Variants in TGM7 observed in about 807,000 individuals in gnomAD.
TGM7 encodes the protein protein-glutamine gamma-glutamyltransferase Z.
A neutral mutation model predicts 79.5 loss-of-function variants in TGM7; 74 were observed. That is an observed-to-expected ratio of 0.93 (90% CI 0.77 to 1.13). The LOEUF (loss-of-function observed/expected upper bound fraction) is 1.13. Among genes scored for constraint, TGM7 ranks in the 50% most tolerant of loss-of-function variants. The pLI, the probability that TGM7 is intolerant of heterozygous loss-of-function variation, is 0.00. For synonymous variants in TGM7, 354 were observed against 362.5 expected (o/e 0.98, Z 0.27); for missense variants, 912 against 905.9 (o/e 1.01, Z -0.09).
At chr15:43,294,574 C>T (rs2042983410) in intron 1 of TGM7, among the ~76,000 whole-genome samples, 1 of 152,244 alleles carries the variant, frequency 6.6e-6, no homozygotes, top group Non-Finnish European at 1.5e-5. Flanking sequence ...ATTAGTTACT[C>T]TTACTGGTAG....
At position 43,281,854 on chromosome 15, in the gene TGM7, C is replaced by G; in HGVS notation, c.1341G>C (p.Lys447Asn). The change falls in exon 9 of 13, where the codon AAG becomes AAC. Residue 447 changes from lysine (K) to asparagine (N), a missense_variant. Transcript: ENST00000452443. ...DQRQSITSSY[K>N]YPEGSPEERA... ...ATACCCGCCCAGCACCTTCTGGGTA[C>G]TTGTAGGAGCTGGTGATGCTCTGGC... The G allele has an allele frequency of 6.2e-7, 1 of 1,614,162 alleles. No individual in the cohort carries two copies.
chr15:43,282,128 C>G, intron 8 of TGM7, 42 bp from the exon 9 acceptor site: 2 of 1,603,124 alleles, frequency 1.2e-6, no homozygotes, highest in Non-Finnish European at 1.7e-6. Context: ...CCAGGGGCAG[C>G]TGGTTGTGGC....
At chr15:43,297,177 C>T (rs558009838) in intron 1 of TGM7, among the ~76,000 whole-genome samples, 4 of 152,150 alleles carry the variant, frequency 2.6e-5, no homozygotes, top group South Asian at 4.2e-4. Flanking sequence ...GGAGACAGGC[C>T]GGGCACAGTG....
chr15:43,287,667 A>C lies in TGM7; in HGVS notation c.561T>G (p.Phe187Leu). The C allele has an allele frequency of 3.1e-6, 5 of 1,607,310 alleles. No individual in the cohort carries two copies. Among genetic ancestry groups the C allele is most frequent in the Non-Finnish European group, 3.4e-6 (4 of 1,178,328 alleles). The change falls in exon 5 of 13, where the codon TTT becomes TTG. Residue 187 changes from phenylalanine (F) to leucine (L), a missense_variant and splice_region_variant. Physicochemically the swap from Phe to Leu is conservative, Grantham distance 22. Transcript: ENST00000452443. ...ITSWPWNYGQ[F>L]EEDIIDICFE... ...AGCAGATGTCTATGATGTCCTCTTC[A>C]AACTTCCAAGTGATTTTAAGGGAGA...
At chr15:43,296,058 G>T (rs1050905432) in intron 1 of TGM7, among the ~76,000 whole-genome samples, 1 of 152,194 alleles carries the variant, frequency 6.6e-6, no homozygotes, top group Non-Finnish European at 1.5e-5. Flanking sequence ...AACATACAAT[G>T]CATCACACAT....
chr15:43,288,663 G>T (rs758256624), intron 4 of TGM7, among the ~76,000 whole-genome samples: 16 of 152,134 alleles, frequency 1.1e-4, no homozygotes, highest in Non-Finnish European at 2.1e-4. Flanking sequence ...TTTGCCGGCA[G>T]CAGTGGCTGT....
chr15:43,295,785 CT>C (rs1306984819), intron 1 of TGM7, among the ~76,000 whole-genome samples: 2 of 152,194 alleles, frequency 1.3e-5, no homozygotes, highest in African/African-American at 4.8e-5. Flanking sequence ...CTTGATCTGT[CT>C]CTTAACAACA....
At chr15:43,302,109 G>C (rs79042533) in intron 1 of TGM7, 132 bp downstream of exon 1, 38 of 1,014,726 alleles carry the variant, frequency 3.7e-5, no homozygotes, top group Non-Finnish European at 5.6e-5. Context: ...AGAAGGAGCC[G>C]TATTGCACAA....
chr15:43,279,392 G>A, intron 10 of TGM7, 115 bp from the exon 11 acceptor site: 1 of 1,266,800 alleles, frequency 7.9e-7, no homozygotes, highest in Non-Finnish European at 1.1e-6. Flanking sequence ...AAGTGTGTGT[G>A]AGAGACAGAC....
chr15:43,293,590 T>C lies in TGM7; in HGVS notation c.52A>G (p.Arg18Gly), dbSNP rs867576042. The C allele has an allele frequency of 5.6e-6, 9 of 1,609,856 alleles. No individual in the cohort carries two copies. Among genetic ancestry groups the C allele is most frequent in the Non-Finnish European group, 7.6e-6 (9 of 1,179,254 alleles). The change falls in exon 2 of 13, where the codon AGG (arginine) becomes GGG (glycine). Residue 18 changes from arginine (R) to glycine (G), a missense_variant. Transcript: ENST00000452443. ...RLESVDLQSS[R>G]NNKEHHTQEM... is the part of the protein sequence containing the mutation. The stretch of plus-strand genomic sequence containing the variant: ...TGCGTGTGGTGCTCCTTGTTGTTCC[T>C]GGAGCTCTGCAGGTCGACAGACTCA...
In TGM7 at chr15:43,293,466, G is replaced by GTGAA; in HGVS notation, c.175_176insTTCA (p.Thr59IlefsTer6). 6.2e-7 allele frequency: 1 copy of GTGAA among 1,607,386 alleles called. No homozygotes were observed. Among genetic ancestry groups the GTGAA allele is most frequent in the Non-Finnish European group, 8.5e-7 (1 of 1,176,088 alleles). ...AAACTCACCGGTCTCAGCCACAAAG[G>GTGAA]TGATGTGGTCGTTCTGGGACTGGAA... On this transcript the variant is annotated frameshift_variant, in exon 2 of 13. Transcript: ENST00000452443. LOFTEE classifies it high-confidence loss of function.
rs759398784 is a variant in TGM7 at position 43,276,544 on chromosome 15, G to A, written c.2044C>T (p.Arg682Cys). 1.2e-5 allele frequency: 20 copies of A among 1,614,014 alleles called. No homozygotes were observed. The highest frequency in any genetic ancestry group is 3.3e-5 in the South Asian group (3 of 91,074). The change falls in exon 13 of 13, where the codon CGC becomes TGC. Residue 682 changes from arginine to cysteine, a missense_variant. Arg to Cys is a radical substitution (Grantham distance 180). Transcript: ENST00000452443. ...CTGCTGATGAGAACCTGGAGCTGGC[G>A]GGGTCCAGCTTTGGTCGGGTAGAGG... Reference protein sequence around the residue: ...LDLYPTKAGPRQLQVLISSNE... With the variant: ...LDLYPTKAGPCQLQVLISSNE...
chr15:43,301,776 A>T (rs1057149640), intron 1 of TGM7, among the ~76,000 whole-genome samples: 2 of 151,736 alleles, frequency 1.3e-5, no homozygotes, highest in African/African-American at 4.8e-5. Context: ...TTCTGAAGGG[A>T]TCGAAAAAGG....
intron 3 of TGM7, among the ~76,000 whole-genome samples, chr15:43,292,336 T>C (rs2042967715): frequency 6.6e-6 from 1 of 152,170 alleles, no homozygotes; most frequent in Admixed American, 6.5e-5. Flanking sequence ...AAGTGACTGA[T>C]TGTAGAGTTG....
chr15:43,287,346 A>G lies in TGM7; in HGVS notation c.799T>C (p.Ser267Pro), dbSNP rs768715826. Reference protein sequence around the residue: ...KGSVAILQQWSARGGQPVKYG... With the variant: ...KGSVAILQQWPARGGQPVKYG... ...TTCACAGGCTGCCCGCCCCTGGCTG[A>G]CCACTGCTGTAGGATGGCCACACTG... Residue 267 changes from serine (S) to proline (P), a missense_variant, in exon 6 of 13, where the codon TCA (serine) becomes CCA (proline). Coordinates refer to ENST00000452443, the MANE Select transcript of TGM7 (RefSeq NM_052955.3). 6.2e-7 allele frequency: 1 copy of G among 1,614,138 alleles called. No homozygotes were observed. The highest frequency in any genetic ancestry group is 1.1e-5 in the South Asian group (1 of 91,066).
intron 1 of TGM7, among the ~76,000 whole-genome samples, chr15:43,298,167 G>A (rs955075233): frequency 1.3e-5 from 2 of 152,326 alleles, no homozygotes; most frequent in Admixed American, 6.5e-5. Context: ...TCCAGAGGCC[G>A]CCCCCTTAAC....
At position 43,292,930 on chromosome 15, in the gene TGM7, C is replaced by T. The variant is rs1394894663; in HGVS notation, c.218G>A (p.Gly73Glu). Reference protein sequence around the residue: ...ETGPKPSELLGTRATFFLTRV... With the variant: ...ETGPKPSELLETRATFFLTRV... Reference sequence around the variant, plus strand: ...GGTGAGGAAGAATGTGGCTCGGGTCCCCAGCAGCTCTGACGGCTTGGGTCC... The same window carrying T: ...GGTGAGGAAGAATGTGGCTCGGGTCTCCAGCAGCTCTGACGGCTTGGGTCC... The change falls in exon 3 of 13, where the codon GGG becomes GAG. Residue 73 changes from glycine (G) to glutamate (E), a missense_variant. Transcript: ENST00000452443. The T allele has an allele frequency of 1.2e-6, 2 of 1,613,294 alleles. No individual in the cohort carries two copies. The highest frequency in any genetic ancestry group is 1.3e-5 in the African/African-American group (1 of 74,900).
chr15:43,277,052 G>T (rs968281425), intron 11 of TGM7, 57 bp from the exon 12 acceptor site: 4 of 1,589,216 alleles, frequency 2.5e-6, no homozygotes, highest in Non-Finnish European at 2.6e-6. Flanking sequence ...CTGCACTCTG[G>T]TTCAGTTACC....
Position 43,292,006 on chromosome 15 carries a change from G to A in TGM7, c.531C>T (p.Ile177=). 2 of 1,613,892 alleles carry A rather than the reference G, an allele frequency of 1.2e-6. No individual in the cohort carries two copies. The highest frequency in any genetic ancestry group is 2.2e-5 in the South Asian group (2 of 91,066). Reference sequence around the variant, plus strand: ...GCCCGTAGTTCCAGGGCCAGGAGGTGATGAATCTTTCATGACCCTTGTAAA... The same window carrying A: ...GCCCGTAGTTCCAGGGCCAGGAGGTAATGAATCTTTCATGACCCTTGTAAA... The part of the protein sequence containing the change: ...GFVYKGHERF[I]TSWPWNYGQF... The change falls in exon 4 of 13, where the codon ATC becomes ATT. Residue 177 remains isoleucine (I), a synonymous_variant. Transcript: ENST00000452443.
Sources: allele counts gnomAD v4.1 joint callset (sites outside exome capture counted in the v4.1 genomes callset), GRCh38; gene constraint gnomAD v4.1.1; transcripts MANE v1.5; gene names NCBI Gene and HGNC (gene_info 2026-07-23, HGNC 2026-07-21).